Variants in GABRB3 observed in about 807,000 individuals in gnomAD.
GABRB3 encodes gamma-aminobutyric acid receptor subunit beta-3.
Under a neutral mutation model 52.1 loss-of-function variants are expected in GABRB3, and 14 were observed. That is an observed-to-expected ratio of 0.27 (90% confidence interval 0.18 to 0.42). GABRB3 has a LOEUF of 0.42. GABRB3 is among the 10% of genes least tolerant of loss of function. GABRB3 has a pLI of 1.00. For synonymous variants in GABRB3, 260 were observed against 232.3 expected, an observed-to-expected ratio of 1.12 and a Z score of -1.08; for missense variants, 307 against 609.1, an observed-to-expected ratio of 0.50 and a Z score of 5.22.
intron 3 of GABRB3, among the ~76,000 whole-genome samples, chr15:26,674,394 C>T (rs561580231): frequency 7.4e-4 from 25 of 33,706 alleles, no homozygotes; most frequent in African/African-American, 3.6e-3. Flanking sequence ...GAGCGAGACT[C>T]AGTTTCAAAA....
chr15:26,587,439 T>G (rs73368319), intron 4 of GABRB3, among the ~76,000 whole-genome samples: 1 of 151,316 alleles, frequency 6.6e-6, no homozygotes, highest in East Asian at 1.9e-4. Context: ...AGAGAGAGAG[T>G]AGGGGTGGGG....
At chr15:26,625,081 C>T (rs1892640073) in intron 3 of GABRB3, 10 of 498,722 alleles carry the variant, frequency 2.0e-5, no homozygotes, top group Non-Finnish European at 2.6e-5. Flanking sequence ...CCCTCCACTC[C>T]CTCAAACACT....
chr15:26,749,773 T>G (rs1369082337), intron 3 of GABRB3, among the ~76,000 whole-genome samples: 1 of 152,192 alleles, frequency 6.6e-6, no homozygotes, highest in Non-Finnish European at 1.5e-5. Context: ...GTTTGTTTGT[T>G]TGTGTGTCTG....
chr15:26,629,366 G>A (rs892666877), intron 3 of GABRB3, among the ~76,000 whole-genome samples: 1 of 152,212 alleles, frequency 6.6e-6, no homozygotes. Flanking sequence ...GGCGCTGTGC[G>A]GCGTGGAGAA....
intron 3 of GABRB3, among the ~76,000 whole-genome samples, chr15:26,757,964 T>C (rs770624104): frequency 1.3e-5 from 2 of 152,218 alleles, no homozygotes; most frequent in Non-Finnish European, 2.9e-5. Flanking sequence ...CCCTCTTCTC[T>C]ACCATCTCAA....
At chr15:26,707,035 G>T (rs1889124273) in intron 3 of GABRB3, among the ~76,000 whole-genome samples, 1 of 152,232 alleles carries the variant, frequency 6.6e-6, no homozygotes, top group African/African-American at 2.4e-5. Flanking sequence ...TTCCACCTTG[G>T]AGGCACTCAC....
chr15:26,580,719 A>T (rs979139398), intron 5 of GABRB3: 37 of 534,598 alleles, frequency 6.9e-5, no homozygotes, highest in African/African-American at 2.9e-4. Flanking sequence ...TCTATTTGCG[A>T]AGTGTAACTT....
intron 3 of GABRB3, among the ~76,000 whole-genome samples, chr15:26,692,433 T>C (rs1320319909): frequency 1.3e-5 from 2 of 152,170 alleles, no homozygotes; most frequent in African/African-American, 4.8e-5. Flanking sequence ...CTCCTTTATA[T>C]TTCTGTGAAA....
intron 3 of GABRB3, chr15:26,716,613 C>T (rs763692856): frequency 2.0e-5 from 20 of 991,446 alleles, no homozygotes; most frequent in Non-Finnish European, 2.0e-5. Context: ...CACTTACTTA[C>T]ATCTCCTTAG....
chr15:26,554,072 A>ATTTATATTTATT (rs1889609637), intron 8 of GABRB3, among the ~76,000 whole-genome samples: 1 of 90,712 alleles, frequency 1.1e-5, no homozygotes, highest in Non-Finnish European at 2.3e-5. Flanking sequence ...TAAAGTGTGT[A>ATTTATATTTATT]TATATATAAA....
intron 8 of GABRB3, among the ~76,000 whole-genome samples, chr15:26,555,092 G>A (rs1444322027): frequency 6.6e-6 from 1 of 152,164 alleles, no homozygotes; most frequent in East Asian, 1.9e-4. Context: ...GCTGAGGCAG[G>A]AGAATCGCTT....
At chr15:26,571,234 C>CT (rs1400339847) in intron 6 of GABRB3, among the ~76,000 whole-genome samples, 1 of 151,104 alleles carries the variant, frequency 6.6e-6, no homozygotes, top group Non-Finnish European at 1.5e-5. Flanking sequence ...CAGTCTGCAT[C>CT]AGTCAGGACA....
Position 26,767,483 on chromosome 15 carries a change from T to G in GABRB3, c.240+4919A>C, listed in dbSNP as rs139140806. On this transcript the variant is annotated intron_variant, in intron 3 of 8. Coordinates refer to ENST00000311550, the MANE Select transcript of GABRB3 (RefSeq NM_000814.6). ...AGCCTCTTATGATATCACTTTGGTA[T>G]CAATTGTGTCCCCACACAATGGGCA... 3.9e-3 allele frequency among the ~76,000 whole-genome samples: 588 copies of G among 152,322 alleles called. 6 individuals are homozygous for G. The highest frequency in any genetic ancestry group is 0.013 in the African/African-American group (524 of 41,568).
chr15:26,721,908 T>A (rs1358047860), intron 3 of GABRB3, among the ~76,000 whole-genome samples: 2 of 152,092 alleles, frequency 1.3e-5, no homozygotes, highest in African/African-American at 4.8e-5. Context: ...AGACCATTGG[T>A]CCATGATAAT....
intron 3 of GABRB3, 62 bp downstream of exon 3, chr15:26,772,340 G>A (rs1891171763): frequency 7.0e-6 from 10 of 1,426,208 alleles, no homozygotes; most frequent in South Asian, 4.8e-5. Context: ...CACTGTGGAC[G>A]CCTGTGATCC....
chr15:26,646,391 G>T (rs1887006627), intron 3 of GABRB3, among the ~76,000 whole-genome samples: 1 of 152,136 alleles, frequency 6.6e-6, no homozygotes, highest in Admixed American at 6.5e-5. Context: ...ATGTATCAGT[G>T]TTTCATTTCT....
At chr15:26,736,744 C>A (rs114934647) in intron 3 of GABRB3, among the ~76,000 whole-genome samples, 11,343 of 152,290 alleles carry the variant, frequency 0.074, 496 homozygotes, top group Middle Eastern at 0.16. Flanking sequence ...GCACATCACA[C>A]AATGTGGGTT....
intron 3 of GABRB3, among the ~76,000 whole-genome samples, chr15:26,659,033 C>T (rs1887460620): frequency 6.6e-6 from 1 of 152,168 alleles, no homozygotes; most frequent in Non-Finnish European, 1.5e-5. Context: ...AATACAGAGG[C>T]TGCATCCACT....
chr15:26,607,508 G>A (rs1334890605), intron 4 of GABRB3, among the ~76,000 whole-genome samples: 1 of 151,890 alleles, frequency 6.6e-6, no homozygotes, highest in East Asian at 1.9e-4. Context: ...GGAGTTTGAG[G>A]TTACAGTGAA....
Sources: allele counts gnomAD v4.1 joint callset (sites outside exome capture counted in the v4.1 genomes callset), GRCh38; gene constraint gnomAD v4.1.1; transcripts MANE v1.5; gene names NCBI Gene and HGNC (gene_info 2026-07-23, HGNC 2026-07-21).